The following C14orf39 variants were observed in gnomAD, a reference collection of about 807,000 sequenced individuals.
C14orf39 encodes the protein protein SIX6OS1.
C14orf39 carries 66 observed loss-of-function variants against 85.6 expected under a neutral mutation model. That is an observed-to-expected ratio of 0.77 (90% CI 0.63 to 0.95). The LOEUF (loss-of-function observed/expected upper bound fraction) is 0.95, where lower values mean the gene tolerates loss of function less well. Among genes scored for constraint, C14orf39 ranks in the 40% least tolerant of loss-of-function variants. The pLI is 0.00. For missense variants in C14orf39, 735 were observed against 663.9 expected (o/e 1.11, Z -1.18); for synonymous variants, 242 against 214.0 (o/e 1.13, Z -1.14).
At chr14:60,483,545 C>A in intron 4 of C14orf39, 146 bp downstream of exon 4, 1 of 588,372 alleles carries the variant, frequency 1.7e-6, no homozygotes, top group Non-Finnish European at 2.8e-6. Context: ...TCCTATAATC[C>A]CTTTACATAG....
At chr14:60,457,963 T>A (rs1891352816) in intron 14 of C14orf39, among the ~76,000 whole-genome samples, 3 of 151,968 alleles carry the variant, frequency 2.0e-5, no homozygotes, top group Admixed American at 2.0e-4. Context: ...TGATAACTTT[T>A]TGTATATGTT....
At chr14:60,514,819 G>C (rs532776549) in intron 1 of C14orf39, among the ~76,000 whole-genome samples, 3 of 152,246 alleles carry the variant, frequency 2.0e-5, no homozygotes, top group Admixed American at 6.5e-5. Context: ...TCTATTCAAC[G>C]GGGACGCGAG....
intron 16 of C14orf39, among the ~76,000 whole-genome samples, chr14:60,442,939 T>A (rs1320190562): frequency 6.6e-6 from 1 of 152,098 alleles, no homozygotes; most frequent in Non-Finnish European, 1.5e-5. Flanking sequence ...TATAAGCACT[T>A]TATAGTCTAG....
intron 5 of C14orf39, among the ~76,000 whole-genome samples, chr14:60,475,001 G>T (rs996337020): frequency 2.0e-5 from 3 of 152,150 alleles, no homozygotes; most frequent in Non-Finnish European, 4.4e-5. Context: ...TGTACCTCTG[G>T]TAGAATTCAG....
chr14:60,478,393 T>C lies in C14orf39; in HGVS notation c.234-4A>G, dbSNP rs747231881. ...AACATCACATGTTGGCTTCCAGCTA[T>C]AGAAAAAAATATATTTGTAATTAGC... On this transcript the variant is annotated splice_region_variant and splice_polypyrimidine_tract_variant and intron_variant, in intron 4 of 17. Coordinates refer to ENST00000321731, the MANE Select transcript of C14orf39 (RefSeq NM_174978.3). 1.2e-5 allele frequency: 18 copies of C among 1,520,500 alleles called. No individual in the cohort carries two copies. Among genetic ancestry groups the C allele is most frequent in the South Asian group, 3.8e-5 (3 of 79,374 alleles). The allele number at this position is 1,520,500 out of a possible 1,614,324, so 94.2% of individuals were successfully genotyped here. A position where few individuals can be genotyped will look rare whatever the true frequency, so the allele number is the denominator to read the frequency against.
chr14:60,466,613 TAATC>T (rs1174674683), intron 10 of C14orf39, among the ~76,000 whole-genome samples: 1 of 151,954 alleles, frequency 6.6e-6, no homozygotes, highest in Non-Finnish European at 1.5e-5. Flanking sequence ...CACATATTGA[TAATC>T]AACTCCTCAA....
intron 5 of C14orf39, among the ~76,000 whole-genome samples, chr14:60,474,117 CA>C (rs1277949615): frequency 6.6e-6 from 1 of 152,288 alleles, no homozygotes; most frequent in Middle Eastern, 3.4e-3. Context: ...AGAAGTCCTT[CA>C]TATCCCTTCT....
At chr14:60,440,697 A>C (rs1452228557) in intron 17 of C14orf39, among the ~76,000 whole-genome samples, 2 of 152,006 alleles carry the variant, frequency 1.3e-5, no homozygotes, top group Non-Finnish European at 2.9e-5. Context: ...CAGAAAAAAA[A>C]CCCTAAGTCC....
At chr14:60,449,004 G>T (rs1422580583) in intron 16 of C14orf39, among the ~76,000 whole-genome samples, 1 of 152,138 alleles carries the variant, frequency 6.6e-6, no homozygotes, top group African/African-American at 2.4e-5. Context: ...CATGGACACG[G>T]GGTGGGGAAC....
intron 1 of C14orf39, chr14:60,512,688 C>G (rs1420838564): frequency 2.6e-5 from 4 of 152,182 alleles, no homozygotes; most frequent in African/African-American, 9.7e-5. Flanking sequence ...AATTTTTCCT[C>G]GTGCACATGC....
At chr14:60,450,123 C>G (rs1020556962) in intron 16 of C14orf39, among the ~76,000 whole-genome samples, 3 of 152,114 alleles carry the variant, frequency 2.0e-5, no homozygotes, top group Non-Finnish European at 4.4e-5. Context: ...GGTAAAAGAC[C>G]CCATCTGTTT....
At chr14:60,506,973 TC>T (rs1369562998) in intron 1 of C14orf39, among the ~76,000 whole-genome samples, 1 of 152,150 alleles carries the variant, frequency 6.6e-6, no homozygotes, top group Admixed American at 6.5e-5. Context: ...ATGTGCCGCT[TC>T]CAAACTGTCC....
At chr14:60,457,320 T>A (rs929876360) in intron 14 of C14orf39, among the ~76,000 whole-genome samples, 1 of 151,966 alleles carries the variant, frequency 6.6e-6, no homozygotes, top group Non-Finnish European at 1.5e-5. Flanking sequence ...AGTTCCATCT[T>A]CCACTTCTAC....
At chr14:60,469,826 G>A (rs1367897634) in intron 7 of C14orf39, among the ~76,000 whole-genome samples, 173 bp from the exon 8 acceptor site, 1 of 149,812 alleles carries the variant, frequency 6.7e-6, no homozygotes, top group Non-Finnish European at 1.5e-5. Context: ...ACATTTGGCA[G>A]ACTAACAGAT....
chr14:60,507,276 G>A (rs1307800318), intron 1 of C14orf39, among the ~76,000 whole-genome samples: 1 of 152,080 alleles, frequency 6.6e-6, no homozygotes, highest in Non-Finnish European at 1.5e-5. Flanking sequence ...TCCCGGGTCC[G>A]GCTTCATCCC....
chr14:60,456,968 GC>G lies in C14orf39; in HGVS notation c.1306del (p.Ala436HisfsTer8). The G allele has an allele frequency of 1.2e-6, 2 of 1,605,638 alleles. No homozygotes were observed. The highest frequency in any genetic ancestry group is 1.7e-6 in the Non-Finnish European group (2 of 1,176,920). On this transcript the variant is annotated frameshift_variant, in exon 15 of 18. Transcript: ENST00000321731. LOFTEE classifies it high-confidence loss of function. ...IFLGTPKAVK[A>X]PESLEKIKFP... The stretch of plus-strand genomic sequence containing the variant: ...TTTTATTTTCTCCAATGACTCAGGT[GC>G]TTTCACAGCTTTGGGAGTTCCTAAA...
At chr14:60,482,531 T>C (rs1048054150) in intron 4 of C14orf39, among the ~76,000 whole-genome samples, 1 of 152,206 alleles carries the variant, frequency 6.6e-6, no homozygotes, top group East Asian at 1.9e-4. Flanking sequence ...GGAGCACAAA[T>C]TGGTATAAAC....
In C14orf39 at chr14:60,458,610, T is replaced by C; in HGVS notation, c.1179+68A>G. The C allele has an allele frequency of 3.4e-6, 4 of 1,160,568 alleles. 1 individual carries two copies. The Admixed American group carries it at 5.5e-5, about 16-fold the overall frequency. The allele number at this position is 1,160,568 out of a possible 1,614,324, so 71.9% of individuals were successfully genotyped here. A position where few individuals can be genotyped will look rare whatever the true frequency, so the allele number is the denominator to read the frequency against. On this transcript the variant is annotated intron_variant, in intron 14 of 17. Transcript: ENST00000321731. ...ATAAATCACTGTACTAAATCTGAAATTTAAATAGACATAATATTTTAAATT... is the reference window on the plus strand; with the variant it reads ...ATAAATCACTGTACTAAATCTGAAACTTAAATAGACATAATATTTTAAATT...
intron 16 of C14orf39, among the ~76,000 whole-genome samples, chr14:60,443,772 A>C (rs1274998579): frequency 1.3e-5 from 2 of 152,196 alleles, no homozygotes; most frequent in Non-Finnish European, 2.9e-5. Context: ...CTCCCAGTAG[A>C]GGCTGACAGA....
Sources: allele counts gnomAD v4.1 joint callset (sites outside exome capture counted in the v4.1 genomes callset), GRCh38; gene constraint gnomAD v4.1.1; transcripts MANE v1.5; gene names NCBI Gene and HGNC (gene_info 2026-07-23, HGNC 2026-07-21).